ST6GALNAC5: variants seen among roughly 807,000 people sequenced by gnomAD.
ST6GALNAC5 encodes alpha-N-acetylgalactosaminide alpha-2,6-sialyltransferase 5.
ST6GALNAC5 carries 27 observed loss-of-function variants against 33.6 expected under a neutral mutation model. That is an observed-to-expected ratio of 0.80 (90% CI 0.59 to 1.11). The LOEUF is 1.11. ST6GALNAC5 is among the 50% of genes least tolerant of loss of function. The pLI, the probability that ST6GALNAC5 is intolerant of heterozygous loss-of-function variation, is 0.00. For missense variants in ST6GALNAC5, 428 were observed against 454.0 expected (o/e 0.94, Z 0.52); for synonymous variants, 194 against 171.2 (o/e 1.13, Z -1.04).
chr1:77,038,054 TC>T (rs1651710813), intron 2 of ST6GALNAC5, among the ~76,000 whole-genome samples: 1 of 152,188 alleles, frequency 6.6e-6, no homozygotes, highest in Non-Finnish European at 1.5e-5. Context: ...AAATTACCTT[TC>T]TAATGAGTAG....
chr1:77,000,804 A>G (rs146208396), intron 2 of ST6GALNAC5, among the ~76,000 whole-genome samples: 3,472 of 151,860 alleles, frequency 0.023, 139 homozygotes, highest in African/African-American at 0.08. Flanking sequence ...ATAGTTGTAG[A>G]TATGCGGCGT....
intron 3 of ST6GALNAC5, 145 bp from the exon 4 acceptor site, chr1:77,050,113 G>T: frequency 1.6e-6 from 1 of 632,804 alleles, no homozygotes; most frequent in Non-Finnish European, 2.8e-6. Flanking sequence ...ATGTCAATTT[G>T]ATAAAGTTCC....
At chr1:76,983,623 A>T (rs1649353346) in intron 2 of ST6GALNAC5, among the ~76,000 whole-genome samples, 1 of 152,198 alleles carries the variant, frequency 6.6e-6, no homozygotes, top group Non-Finnish European at 1.5e-5. Flanking sequence ...GTTAACAAGG[A>T]TATCCAGGAC....
chr1:76,979,037 A>C (rs1222137302), intron 2 of ST6GALNAC5, among the ~76,000 whole-genome samples: 1 of 152,152 alleles, frequency 6.6e-6, no homozygotes, highest in African/African-American at 2.4e-5. Flanking sequence ...TAGCTAAAGA[A>C]AAAAACCTAG....
chr1:76,955,866 G>C (rs1647936358), intron 2 of ST6GALNAC5, among the ~76,000 whole-genome samples: 1 of 152,202 alleles, frequency 6.6e-6, no homozygotes, highest in South Asian at 2.1e-4. Flanking sequence ...GAAGGAAACA[G>C]CAGGGGTTAT....
At chr1:76,958,444 CTT>C (rs747602102) in intron 2 of ST6GALNAC5, among the ~76,000 whole-genome samples, 24 of 152,182 alleles carry the variant, frequency 1.6e-4, no homozygotes, top group South Asian at 1.4e-3. Context: ...TTTATATTGA[CTT>C]TGTGGGGATG....
intron 2 of ST6GALNAC5, among the ~76,000 whole-genome samples, chr1:77,013,728 C>G (rs1650724741): frequency 6.6e-6 from 1 of 152,212 alleles, no homozygotes; most frequent in Non-Finnish European, 1.5e-5. Context: ...CGGGGGCTCA[C>G]CACCTTAAGT....
In ST6GALNAC5 at chr1:77,051,274, A is replaced by T. The variant is rs191048189; in HGVS notation, c.779+909A>T. Among the ~76,000 whole-genome samples the T allele has an allele frequency of 1.9e-3, 282 of 152,346 alleles. 1 individual carries two copies. Among genetic ancestry groups the T allele is most frequent in the Non-Finnish European group, 3.3e-3 (227 of 68,036 alleles). ...CAAAGATGAGAAACAGCATCTAATC[A>T]TCCCATTAACATTTTACCACTTTTC... On this transcript the variant is annotated intron_variant, in intron 4 of 4. Transcript: ENST00000477717.
chr1:76,980,894 T>C (rs1426423200), intron 2 of ST6GALNAC5, among the ~76,000 whole-genome samples: 1 of 152,114 alleles, frequency 6.6e-6, no homozygotes, highest in East Asian at 1.9e-4. Context: ...TTAAAAACGT[T>C]TTTCCTTCAA....
At chr1:76,943,792 C>G (rs1410364245) in intron 2 of ST6GALNAC5, among the ~76,000 whole-genome samples, 1 of 152,052 alleles carries the variant, frequency 6.6e-6, no homozygotes, top group African/African-American at 2.4e-5. Context: ...ATACTTTGCA[C>G]TTTTAATTCA....
intron 4 of ST6GALNAC5, among the ~76,000 whole-genome samples, chr1:77,054,839 T>A (rs774456094): frequency 6.6e-6 from 1 of 152,052 alleles, no homozygotes; most frequent in Non-Finnish European, 1.5e-5. Context: ...CCCCTAAAAG[T>A]ATTAAGCCCA....
intron 2 of ST6GALNAC5, among the ~76,000 whole-genome samples, chr1:77,003,804 A>C (rs1650273522): frequency 6.7e-6 from 1 of 150,056 alleles, no homozygotes; most frequent in Non-Finnish European, 1.5e-5. Flanking sequence ...TTCTTTAAGA[A>C]TGTTGAATAT....
Position 76,868,030 on chromosome 1 carries a change from G to T in ST6GALNAC5, c.15+340G>T, listed in dbSNP as rs1276653573. 6.6e-6 allele frequency among the ~76,000 whole-genome samples: 1 copy of T among 152,190 alleles called. No individual in the cohort carries two copies. The highest frequency in any genetic ancestry group is 1.9e-4 in the East Asian group (1 of 5,174). ...AGCAACAGCCTGCCAAAAACTAAGAGGGACGGGGAGGGGGGACCTTTGCAG... is the reference window on the plus strand; with the variant it reads ...AGCAACAGCCTGCCAAAAACTAAGATGGACGGGGAGGGGGGACCTTTGCAG... On this transcript the variant is annotated intron_variant, in intron 1 of 4. Transcript: ENST00000477717. This position sits in a 1 kb window ranked among gnomAD's most constrained non-coding sequence, Gnocchi z 4.3.
intron 2 of ST6GALNAC5, among the ~76,000 whole-genome samples, chr1:76,921,555 T>A (rs1000028990): frequency 6.6e-6 from 1 of 152,162 alleles, no homozygotes; most frequent in African/African-American, 2.4e-5. Context: ...ATTACATGGA[T>A]AATGGGATAC....
At chr1:76,987,400 C>T in intron 2 of ST6GALNAC5, among the ~76,000 whole-genome samples, 1 of 152,112 alleles carries the variant, frequency 6.6e-6, no homozygotes, top group East Asian at 1.9e-4. Flanking sequence ...TATCATTTGA[C>T]ACCAGTTAGG....
chr1:77,044,312 A>T lies in ST6GALNAC5; in HGVS notation c.370A>T (p.Asn124Tyr), dbSNP rs1651930305. Residue 124 changes from asparagine (N) to tyrosine (Y), a missense_variant, in exon 3 of 5, where the codon AAT becomes TAT. Asn to Tyr is a moderately radical substitution (Grantham distance 143). Transcript: ENST00000477717. ...IDQTECVIRMNDAPTRGYGRD... is the reference protein window; with the variant it reads ...IDQTECVIRMYDAPTRGYGRD... ...CCAGACAGAGTGTGTCATCCGCATGAATGACGCCCCCACACGCGGCTATGG... is the reference window on the plus strand; with the variant it reads ...CCAGACAGAGTGTGTCATCCGCATGTATGACGCCCCCACACGCGGCTATGG... The T allele has an allele frequency of 6.2e-7, 1 of 1,613,948 alleles. No individual in the cohort carries two copies. The highest frequency in any genetic ancestry group is 8.5e-7 in the Non-Finnish European group (1 of 1,180,000).
In ST6GALNAC5 at chr1:77,065,128, T is replaced by C. The variant is rs1430721185; in HGVS notation, c.*1922T>C. On this transcript the variant is annotated 3_prime_UTR_variant, in exon 5 of 5. Coordinates refer to ENST00000477717, the MANE Select transcript of ST6GALNAC5 (RefSeq NM_030965.3). ...CACAGCATGGACTCTGAACACATCATACTTTATCAACATATGAAAAAGTGT... is the reference window on the plus strand; with the variant it reads ...CACAGCATGGACTCTGAACACATCACACTTTATCAACATATGAAAAAGTGT... The C allele has an allele frequency of 1.3e-5, 2 of 152,228 alleles. No individual in the cohort carries two copies. The highest frequency in any genetic ancestry group is 2.4e-5 in the African/African-American group (1 of 41,464). 9.4% of individuals were successfully genotyped at this position (152,228 alleles called of 1,614,324 possible). A position where few individuals can be genotyped will look rare whatever the true frequency, so the allele number is the denominator to read the frequency against.
In ST6GALNAC5 at chr1:77,066,599, C is replaced by A. The variant is rs560830664; in HGVS notation, c.*3393C>A. 3.1e-4 allele frequency among the ~76,000 whole-genome samples: 47 copies of A among 152,334 alleles called. No individual in the cohort carries two copies. In the South Asian group the frequency reaches 9.5e-3, roughly 31 times the overall value. ...CTAAATATTTGCCCTTGTGTAAGAG[C>A]AAACTCATTTCAGAAATATATCCTG... On this transcript the variant is annotated 3_prime_UTR_variant, in exon 5 of 5. Transcript: ENST00000477717.
At chr1:77,020,928 G>C (rs911282796) in intron 2 of ST6GALNAC5, among the ~76,000 whole-genome samples, 1 of 152,132 alleles carries the variant, frequency 6.6e-6, no homozygotes, top group Non-Finnish European at 1.5e-5. Flanking sequence ...GTTGTTACCC[G>C]GGGTTCCGCA....
Sources: gnomAD v4.1 joint callset for allele counts (sites outside exome capture counted in the v4.1 genomes callset) on GRCh38, gnomAD v4.1.1 for gene constraint, Gnocchi (gnomAD v3.1) non-coding constraint, MANE v1.5 for transcripts, NCBI Gene and HGNC (gene_info 2026-07-23, HGNC 2026-07-21) for gene names.